SCHIP1: variants seen among roughly 807,000 people sequenced by gnomAD.
SCHIP1 encodes the protein schwannomin-interacting protein 1.
SCHIP1 carries 8 observed loss-of-function variants against 29.7 expected under a neutral mutation model. That is an observed-to-expected ratio of 0.27 (90% CI 0.16 to 0.49). SCHIP1 has a LOEUF of 0.49. Ranked by LOEUF, SCHIP1 falls within the 20% of genes least tolerant of loss-of-function variation. SCHIP1 has a pLI of 0.99. For missense variants in SCHIP1, 193 were observed against 294.6 expected (o/e 0.66, Z 2.52); for synonymous variants, 76 against 94.9 (o/e 0.80, Z 1.16).
At chr3:159,445,791 C>G in the SCHIP1 span, among the ~76,000 whole-genome samples, 1 of 142,866 alleles carries the variant, frequency 7.0e-6, no homozygotes, top group Non-Finnish European at 1.5e-5. Flanking sequence ...AAACCAAACA[C>G]TGCATGTTCT....
the SCHIP1 span, among the ~76,000 whole-genome samples, chr3:159,651,164 G>A: frequency 6.6e-6 from 1 of 152,100 alleles, no homozygotes; most frequent in African/African-American, 2.4e-5. Flanking sequence ...ACAAGCAAAA[G>A]GGAAAATATA....
chr3:159,625,661 G>T, the SCHIP1 span, among the ~76,000 whole-genome samples: 1 of 152,156 alleles, frequency 6.6e-6, no homozygotes, highest in East Asian at 1.9e-4. Context: ...GGCTACAAAT[G>T]GGCTCTTTTT....
At chr3:159,599,486 CTG>C in the SCHIP1 span, among the ~76,000 whole-genome samples, 1 of 152,238 alleles carries the variant, frequency 6.6e-6, no homozygotes, top group East Asian at 1.9e-4. Context: ...CCATTTATGA[CTG>C]AGAACATGCA....
At chr3:159,460,672 T>C in the SCHIP1 span, among the ~76,000 whole-genome samples, 1 of 152,154 alleles carries the variant, frequency 6.6e-6, no homozygotes, top group Non-Finnish European at 1.5e-5. Flanking sequence ...CTGGCAGATA[T>C]AGTTTGCCTG....
At chr3:159,285,884 T>C in the SCHIP1 span, among the ~76,000 whole-genome samples, 1 of 152,138 alleles carries the variant, frequency 6.6e-6, no homozygotes, top group Non-Finnish European at 1.5e-5. Context: ...CTATTCTCTT[T>C]AGTTTCTCCC....
intron 1 of SCHIP1, among the ~76,000 whole-genome samples, chr3:159,846,537 A>T (rs755149054): frequency 2.6e-5 from 4 of 152,196 alleles, no homozygotes; most frequent in African/African-American, 9.6e-5. Context: ...CAAAGTATCA[A>T]ATTTGAGTTC....
At chr3:159,397,058 C>A in the SCHIP1 span, among the ~76,000 whole-genome samples, 1 of 150,998 alleles carries the variant, frequency 6.6e-6, no homozygotes, top group Non-Finnish European at 1.5e-5. Context: ...CTTCTCTCTT[C>A]ATTTCATTCA....
chr3:159,678,326 T>C, the SCHIP1 span, among the ~76,000 whole-genome samples: 459 of 152,326 alleles, frequency 3.0e-3, 2 homozygotes, highest in African/African-American at 0.01. Flanking sequence ...TAATTCACAC[T>C]GAGAAATGAA....
intron 6 of SCHIP1, among the ~76,000 whole-genome samples, chr3:159,896,060 A>G (rs1301739097): frequency 2.0e-5 from 3 of 152,182 alleles, no homozygotes; most frequent in Admixed American, 1.3e-4. Flanking sequence ...TGCCCTTAGG[A>G]TTAATTGGGG....
the SCHIP1 span, among the ~76,000 whole-genome samples, chr3:159,696,232 A>T: frequency 6.6e-6 from 1 of 152,124 alleles, no homozygotes. Flanking sequence ...CGTACCATCC[A>T]TCCATGCAAT....
At chr3:159,886,133 T>A in intron 2 of SCHIP1, 74 bp from the exon 4 acceptor site, 2 of 1,532,298 alleles carry the variant, frequency 1.3e-6, no homozygotes, top group Non-Finnish European at 1.8e-6. Context: ...GTTAGCAAAA[T>A]CAGACAGTTC....
At chr3:159,893,522 AT>A (rs1717757469) in intron 6 of SCHIP1, 1 of 152,206 alleles carries the variant, frequency 6.6e-6, no homozygotes, top group South Asian at 2.1e-4. Context: ...TTTTAAAAAA[AT>A]ATATAAATTC....
chr3:159,438,410 AC>A, the SCHIP1 span, among the ~76,000 whole-genome samples: 1 of 151,984 alleles, frequency 6.6e-6, no homozygotes, highest in East Asian at 1.9e-4. Flanking sequence ...CATCTCTTCT[AC>A]CCCCGTTCCC....
At chr3:159,763,386 T>A in the SCHIP1 span, among the ~76,000 whole-genome samples, 1 of 151,968 alleles carries the variant, frequency 6.6e-6, no homozygotes, top group Non-Finnish European at 1.5e-5. Context: ...CCGGGTGGCT[T>A]CGGCGGGGTA....
the SCHIP1 span, among the ~76,000 whole-genome samples, chr3:159,669,103 C>G: frequency 1.4e-4 from 22 of 152,152 alleles, no homozygotes; most frequent in Non-Finnish European, 2.6e-4. Flanking sequence ...GCTCCACCCC[C>G]GGGTCAAGTT....
the SCHIP1 span, chr3:159,765,729 C>T: frequency 3.9e-5 from 6 of 152,348 alleles, no homozygotes; most frequent in African/African-American, 1.2e-4. Context: ...TTATGAAACC[C>T]GAGTTATTGT....
chr3:159,362,252 G>A, the SCHIP1 span, among the ~76,000 whole-genome samples: 1 of 152,176 alleles, frequency 6.6e-6, no homozygotes, highest in Non-Finnish European at 1.5e-5. Context: ...GTCAAATGGT[G>A]AATGTAAGGT....
At chr3:159,812,554 T>C in the SCHIP1 span, among the ~76,000 whole-genome samples, 4 of 152,346 alleles carry the variant, frequency 2.6e-5, no homozygotes, top group African/African-American at 9.6e-5. Flanking sequence ...AAATGAACCT[T>C]GTCCTTACAG....
At chr3:159,657,629 C>T in the SCHIP1 span, among the ~76,000 whole-genome samples, 1 of 152,306 alleles carries the variant, frequency 6.6e-6, no homozygotes, top group Non-Finnish European at 1.5e-5. Context: ...GAGGGAACAG[C>T]GATGAGGGCC....
Sources: gnomAD v4.1 joint callset for allele counts (sites outside exome capture counted in the v4.1 genomes callset) on GRCh38, gnomAD v4.1.1 for gene constraint, MANE v1.5 for transcripts, NCBI Gene and HGNC (gene_info 2026-07-23, HGNC 2026-07-21) for gene names.